The following CNPY1 variants were observed in gnomAD, a reference collection of about 807,000 sequenced individuals.
CNPY1 encodes the protein protein canopy homolog 1.
In CNPY1, 14 loss-of-function variants were observed where a neutral mutation model predicts 14.4. That is an observed-to-expected ratio of 0.97 (90% CI 0.64 to 1.52). The LOEUF (loss-of-function observed/expected upper bound fraction) is 1.52, where lower values mean the gene tolerates loss of function less well. Ranked by LOEUF, CNPY1 falls within the 40% of genes most tolerant of loss-of-function variation. The probability of loss-of-function intolerance (pLI) is 0.00; values close to 1 mark genes in which losing one functional copy is unlikely to be tolerated. For synonymous variants in CNPY1, 43 were observed against 46.5 expected (o/e 0.92, Z 0.31); for missense variants, 129 against 131.5 (o/e 0.98, Z 0.09).
At chr7:155,544,435 G>C (rs565030851) in intron 2 of CNPY1, among the ~76,000 whole-genome samples, 1 of 152,294 alleles carries the variant, frequency 6.6e-6, no homozygotes, top group African/African-American at 2.4e-5. Context: ...CTTTCTGCTG[G>C]CCCAGGAGCA....
At chr7:155,515,465 C>T (rs1218923294) in intron 2 of CNPY1, among the ~76,000 whole-genome samples, 1 of 152,158 alleles carries the variant, frequency 6.6e-6, no homozygotes, top group African/African-American at 2.4e-5. Flanking sequence ...GCCTCACCCA[C>T]TGAAATAGAC....
At chr7:155,517,831 C>T (rs1196947183) in intron 2 of CNPY1, among the ~76,000 whole-genome samples, 1 of 152,244 alleles carries the variant, frequency 6.6e-6, no homozygotes, top group East Asian at 1.9e-4. Flanking sequence ...CCACCTTAAT[C>T]AAGTAATTGG....
intron 2 of CNPY1, among the ~76,000 whole-genome samples, chr7:155,545,624 G>A (rs938238164): frequency 2.6e-5 from 4 of 152,144 alleles, no homozygotes; most frequent in African/African-American, 9.7e-5. Flanking sequence ...TCGACTTGAC[G>A]AGACACAAAA....
intron 2 of CNPY1, among the ~76,000 whole-genome samples, chr7:155,545,131 C>A (rs1797143272): frequency 6.6e-6 from 1 of 152,210 alleles, no homozygotes; most frequent in Admixed American, 6.5e-5. Flanking sequence ...GAAATCCAGA[C>A]CCACTTCTGT....
chr7:155,538,491 C>T (rs1322659784), intron 2 of CNPY1, among the ~76,000 whole-genome samples: 1 of 152,098 alleles, frequency 6.6e-6, no homozygotes, highest in Admixed American at 6.5e-5. Context: ...CTCCCACCCC[C>T]CTCCTGCTAA....
rs1563085245 is a variant in CNPY1, at chr7:155,504,367, T to C, written c.401-1262A>G. 3.9e-5 allele frequency among the ~76,000 whole-genome samples: 6 copies of C among 152,276 alleles called. No homozygotes were observed. In the South Asian group the frequency reaches 1.2e-3, roughly 32 times the overall value. ...TATTTTCTCCATTCTTCCCCACTTA[T>C]TTTTGTGTATTGGTGAATGTTAGAA... On this transcript the variant is annotated intron_variant, in intron 4 of 4. Coordinates refer to ENST00000636446, the MANE Select transcript of CNPY1 (RefSeq NM_001393663.1).
At chr7:155,533,595 C>T (rs1313383364) in intron 2 of CNPY1, among the ~76,000 whole-genome samples, 1 of 152,194 alleles carries the variant, frequency 6.6e-6, no homozygotes, top group African/African-American at 2.4e-5. Flanking sequence ...CGTCCCGGTC[C>T]GGCGTGAAAC....
At chr7:155,506,139 T>C (rs1796299699) in intron 4 of CNPY1, among the ~76,000 whole-genome samples, 1 of 152,246 alleles carries the variant, frequency 6.6e-6, no homozygotes, top group African/African-American at 2.4e-5. Flanking sequence ...TGGATGTAGG[T>C]GTATTATATA....
chr7:155,507,247 C>T (rs996154593), intron 3 of CNPY1, 131 bp from the exon 4 acceptor site: 15 of 654,998 alleles, frequency 2.3e-5, no homozygotes, highest in African/African-American at 1.6e-4. Context: ...TTTTTATTCG[C>T]CCTTTTGGTT....
At chr7:155,526,527 A>G (rs1339916116) in intron 2 of CNPY1, among the ~76,000 whole-genome samples, 1 of 152,098 alleles carries the variant, frequency 6.6e-6, no homozygotes, top group Non-Finnish European at 1.5e-5. Context: ...CACATTCACA[A>G]TGGCATAAAA....
At chr7:155,520,427 T>G (rs1796697506) in intron 2 of CNPY1, among the ~76,000 whole-genome samples, 1 of 124,012 alleles carries the variant, frequency 8.1e-6, no homozygotes, top group Non-Finnish European at 1.6e-5. Flanking sequence ...TTTCTTTCTT[T>G]CTTTTTTTTT....
chr7:155,503,105 T>C lies in CNPY1; in HGVS notation c.401A>G (p.Asp134Gly). ...LADKLCSEKS[D>G]LCETSANHTE... Reference sequence around the variant, plus strand: ...ATGATTAGCAGAAGTTTCACACAGATCTGGAAAAAAAAAAAAAAGTAGATA... The same window carrying C: ...ATGATTAGCAGAAGTTTCACACAGACCTGGAAAAAAAAAAAAAAGTAGATA... Residue 134 changes from aspartate to glycine, a missense_variant and splice_region_variant, in exon 5 of 5, where the codon GAT (aspartate) becomes GGT (glycine). Physicochemically the swap from Asp to Gly is moderately conservative, Grantham distance 94 (BLOSUM62 -1). Transcript: ENST00000636446. 3.9e-6 allele frequency: 6 copies of C among 1,548,974 alleles called. No homozygotes were observed. Among genetic ancestry groups the C allele is most frequent in the Non-Finnish European group, 5.1e-6 (6 of 1,165,664 alleles).
At chr7:155,540,137 AT>A (rs1410657176) in intron 2 of CNPY1, among the ~76,000 whole-genome samples, 2 of 152,112 alleles carry the variant, frequency 1.3e-5, no homozygotes, top group African/African-American at 2.4e-5. Context: ...AGACAATTGT[AT>A]TTCTTTTGGA....
At chr7:155,539,688 G>A (rs1797062093) in intron 2 of CNPY1, among the ~76,000 whole-genome samples, 1 of 152,156 alleles carries the variant, frequency 6.6e-6, no homozygotes, top group South Asian at 2.1e-4. Context: ...AGATTAACGG[G>A]GGGAAAAAAG....
At chr7:155,507,561 T>C (rs1454456268) in intron 3 of CNPY1, among the ~76,000 whole-genome samples, 1 of 148,548 alleles carries the variant, frequency 6.7e-6, no homozygotes, top group Admixed American at 6.7e-5. Flanking sequence ...TAATAATCCA[T>C]TTTGTGGCTT....
At chr7:155,507,327 T>C (rs1796352338) in intron 3 of CNPY1, among the ~76,000 whole-genome samples, 1 of 151,906 alleles carries the variant, frequency 6.6e-6, no homozygotes, top group African/African-American at 2.4e-5. Context: ...GGGGCTTAAG[T>C]AAATGATGAG....
intron 4 of CNPY1, among the ~76,000 whole-genome samples, chr7:155,505,484 G>T (rs1047877699): frequency 2.0e-5 from 3 of 152,206 alleles, no homozygotes; most frequent in Admixed American, 6.5e-5. Context: ...AAGGAATGAA[G>T]AAAGGTAGTT....
chr7:155,531,275 T>C (rs1796933066), intron 2 of CNPY1, among the ~76,000 whole-genome samples: 1 of 152,224 alleles, frequency 6.6e-6, no homozygotes, highest in African/African-American at 2.4e-5. Context: ...AAAGCCTTTT[T>C]TGAAAGGAAA....
rs200909334 is a variant in CNPY1, at chr7:155,502,001, G to A, written c.*1067C>T. On this transcript the variant is annotated 3_prime_UTR_variant, in exon 5 of 5. Transcript: ENST00000636446. Reference sequence around the variant, plus strand: ...TGGCAAAGAGTTTTGGGTCGGGGGGGTTGGGGGGGGGATTTGTAGCATCCT... The same window carrying A: ...TGGCAAAGAGTTTTGGGTCGGGGGGATTGGGGGGGGGATTTGTAGCATCCT... 2.3e-4 allele frequency: 16 copies of A among 69,966 alleles called. No homozygotes were observed. Among genetic ancestry groups the A allele is most frequent in the African/African-American group, 7.4e-4 (15 of 20,326 alleles). The allele number at this position is 69,966 out of a possible 1,614,324, so 4.3% of individuals were successfully genotyped here. A position where few individuals can be genotyped will look rare whatever the true frequency, so the allele number is the denominator to read the frequency against.
Sources: gnomAD v4.1 joint callset for allele counts (sites outside exome capture counted in the v4.1 genomes callset) on GRCh38, gnomAD v4.1.1 for gene constraint, MANE v1.5 for transcripts, NCBI Gene and HGNC (gene_info 2026-07-23, HGNC 2026-07-21) for gene names.